The following PCBD2 variants were observed in gnomAD, a reference collection of about 807,000 sequenced individuals.
PCBD2 encodes the protein pterin-4 alpha-carbinolamine dehydratase 2, also known as pterin-4-alpha-carbinolamine dehydratase 2.
Under a neutral mutation model 16.4 loss-of-function variants are expected in PCBD2, and 12 were observed. The observed-to-expected ratio is 0.73, with a 90% CI of 0.47 to 1.19. PCBD2 has a LOEUF of 1.19. PCBD2 is among the 50% of genes most tolerant of loss of function. PCBD2 has a pLI of 0.00. For missense variants in PCBD2, 138 were observed against 156.8 expected (o/e 0.88, Z 0.64); for synonymous variants, 58 against 61.8 (o/e 0.94, Z 0.29).
chr5:134,921,907 A>G (rs1750908031), intron 2 of PCBD2, among the ~76,000 whole-genome samples: 1 of 152,216 alleles, frequency 6.6e-6, no homozygotes, highest in South Asian at 2.1e-4. Context: ...GTCTCTGCTC[A>G]GATAATCTCA....
chr5:134,941,478 ATGTT>A (rs1751226579), intron 2 of PCBD2, among the ~76,000 whole-genome samples: 1 of 152,212 alleles, frequency 6.6e-6, no homozygotes, highest in African/African-American at 2.4e-5. Flanking sequence ...ACTGCAATGT[ATGTT>A]GATAGAGAGT....
chr5:134,909,855 G>A (rs534876745), intron 1 of PCBD2, among the ~76,000 whole-genome samples: 38 of 152,320 alleles, frequency 2.5e-4, no homozygotes, highest in African/African-American at 7.9e-4. Context: ...GATCACTTGA[G>A]CTCAGGAATT....
At chr5:134,923,251 G>C (rs2149532438) in intron 2 of PCBD2, 1 of 153,512 alleles carries the variant, frequency 6.5e-6, no homozygotes, top group African/African-American at 2.4e-5. Context: ...TGCTGTGAGA[G>C]AGAATAATGG....
chr5:134,939,361 T>C (rs1209322725), intron 2 of PCBD2, among the ~76,000 whole-genome samples: 1 of 151,818 alleles, frequency 6.6e-6, no homozygotes, highest in Non-Finnish European at 1.5e-5. Flanking sequence ...TTTGAGATTC[T>C]GAAGTTTTTA....
At chr5:134,940,042 T>C (rs987403967) in intron 2 of PCBD2, among the ~76,000 whole-genome samples, 11 of 152,184 alleles carry the variant, frequency 7.2e-5, no homozygotes, top group Admixed American at 2.0e-4. Flanking sequence ...CTTCCCATTA[T>C]GGGAAGGCTG....
chr5:134,961,183 G>T lies in PCBD2; in HGVS notation c.*502G>T, dbSNP rs1050194335. On this transcript the variant is annotated 3_prime_UTR_variant, in exon 4 of 4. Transcript: ENST00000254908. ...TTTGGTAAAATCAGTGCTTAAATAC[G>T]CAATGATTTAAACTGGAACCTGAGG... 5 of 152,346 alleles carry T rather than the reference G, an allele frequency of 3.3e-5. No individual in the cohort carries two copies. The highest frequency in any genetic ancestry group is 1.2e-4 in the African/African-American group (5 of 41,480). 9.4% of individuals were successfully genotyped at this position (152,346 alleles called of 1,614,324 possible). A position where few individuals can be genotyped will look rare whatever the true frequency, so the allele number is the denominator to read the frequency against.
At chr5:134,945,528 G>A (rs1248684128) in intron 2 of PCBD2, among the ~76,000 whole-genome samples, 1 of 152,052 alleles carries the variant, frequency 6.6e-6, no homozygotes, top group African/African-American at 2.4e-5. Context: ...AATTTATATA[G>A]AAATGCGGAA....
chr5:134,917,316 C>T (rs977465801), intron 2 of PCBD2, among the ~76,000 whole-genome samples: 1 of 152,258 alleles, frequency 6.6e-6, no homozygotes, highest in Non-Finnish European at 1.5e-5. Flanking sequence ...TTCTGCCCCC[C>T]AGAAGGCTGT....
intron 2 of PCBD2, among the ~76,000 whole-genome samples, chr5:134,918,297 G>A (rs535969061): frequency 6.6e-6 from 1 of 152,230 alleles, no homozygotes; most frequent in South Asian, 2.1e-4. Flanking sequence ...CAGAGGTCAG[G>A]AGTTCGACAC....
rs926059544 is a variant in PCBD2 at position 134,961,692 on chromosome 5, T to C, written c.*1011T>C. ...ACTACAAATGCATTGTTTTGGAGAA[T>C]AGTTGTAAGGTGGAAAAAGAATTAG... On this transcript the variant is annotated 3_prime_UTR_variant, in exon 4 of 4. Coordinates refer to ENST00000254908, the MANE Select transcript of PCBD2 (RefSeq NM_032151.5). Among the ~76,000 whole-genome samples, 6 of 152,204 alleles carry C rather than the reference T, an allele frequency of 3.9e-5. No homozygotes were observed. Among genetic ancestry groups the C allele is most frequent in the Non-Finnish European group, 7.3e-5 (5 of 68,032 alleles).
intron 2 of PCBD2, among the ~76,000 whole-genome samples, chr5:134,942,455 T>A (rs1580890823): frequency 6.6e-6 from 1 of 152,214 alleles, no homozygotes; most frequent in Admixed American, 6.5e-5. Context: ...GCTCATTATA[T>A]TTTCCCCTCC....
At chr5:134,926,451 C>T (rs1750998202) in intron 2 of PCBD2, 1 of 393,654 alleles carries the variant, frequency 2.5e-6, no homozygotes, top group Non-Finnish European at 4.5e-6. Flanking sequence ...TAGTAGCGTA[C>T]ATGGTTATTA....
intron 2 of PCBD2, among the ~76,000 whole-genome samples, chr5:134,929,102 TA>T (rs1175315864): frequency 6.6e-6 from 1 of 152,036 alleles, no homozygotes; most frequent in Non-Finnish European, 1.5e-5. Context: ...GAAGAAATTA[TA>T]GTGTGAGAAG....
At chr5:134,906,194 ATTTTTTTT>A (rs1158334317) in intron 1 of PCBD2, among the ~76,000 whole-genome samples, 6 of 66,522 alleles carry the variant, frequency 9.0e-5, no homozygotes, top group East Asian at 5.5e-4. Flanking sequence ...TAATAGAAGA[ATTTTTTTT>A]TTTTTTTTTT....
chr5:134,946,618 T>C (rs1423374018), intron 2 of PCBD2, among the ~76,000 whole-genome samples: 1 of 152,204 alleles, frequency 6.6e-6, no homozygotes, highest in African/African-American at 2.4e-5. Flanking sequence ...GTGCAACTGC[T>C]TTAGAACATC....
intron 2 of PCBD2, among the ~76,000 whole-genome samples, chr5:134,946,053 A>G (rs949215921): frequency 8.6e-5 from 13 of 151,378 alleles, no homozygotes; most frequent in African/African-American, 3.1e-4. Context: ...TCTTTAACAA[A>G]TAATTAAAAT....
At chr5:134,905,740 A>G (rs962972061) in intron 1 of PCBD2, 1 of 152,772 alleles carries the variant, frequency 6.5e-6, no homozygotes, top group South Asian at 2.1e-4. Flanking sequence ...TTCCTGCTGT[A>G]GAAATTAATA....
At chr5:134,924,857 G>A (rs1344667536) in intron 2 of PCBD2, 2 of 390,828 alleles carry the variant, frequency 5.1e-6, no homozygotes, top group Non-Finnish European at 9.0e-6. Flanking sequence ...GGGACTGTGC[G>A]GTGTATGATA....
chr5:134,926,740 C>T (rs1212196733), intron 2 of PCBD2: 6 of 397,076 alleles, frequency 1.5e-5, no homozygotes, highest in African/African-American at 1.2e-4. Flanking sequence ...AGAGTGTTTT[C>T]TCGTGTGAAT....
Sources: allele counts gnomAD v4.1 joint callset (sites outside exome capture counted in the v4.1 genomes callset), GRCh38; gene constraint gnomAD v4.1.1; transcripts MANE v1.5; gene names NCBI Gene and HGNC (gene_info 2026-07-23, HGNC 2026-07-21).